NOTCH2NLC: variants seen among roughly 807,000 people sequenced by gnomAD.
NOTCH2NLC encodes the protein notch 2 N-terminal like C.
A neutral mutation model predicts 17.7 loss-of-function variants in NOTCH2NLC; 4 were observed. That is an observed-to-expected ratio of 0.23 (90% CI 0.11 to 0.52). The LOEUF (loss-of-function observed/expected upper bound fraction) is 0.52, where lower values mean the gene tolerates loss of function less well. NOTCH2NLC is among the 20% of genes least tolerant of loss of function. The pLI, the probability that NOTCH2NLC is intolerant of heterozygous loss-of-function variation, is 0.96. For missense variants in NOTCH2NLC, 57 were observed against 207.2 expected, an observed-to-expected ratio of 0.28 and a Z score of 4.45; for synonymous variants, 18 against 86.0, an observed-to-expected ratio of 0.21 and a Z score of 4.38.
chr1:149,454,497 G>A (rs1395440840), intron 2 of NOTCH2NLC, among the ~76,000 whole-genome samples: 3 of 143,128 alleles, frequency 2.1e-5, no homozygotes, highest in Admixed American at 7.0e-5. Flanking sequence ...ATGTAAAAAG[G>A]TTCCTCAGTG....
Position 149,390,819 on chromosome 1 carries a change from G to GCGGCGGCGGCGGCGGCGGCGA in NOTCH2NLC, c.44_45insCGGCGGCGACGGCGGCGGCGG (p.Gly17_Gly18insAspGlyGlyGlyGlyGlyGly). On this transcript the variant is annotated inframe_insertion, in exon 1 of 5. Transcript: ENST00000650865. ...ATCTGCCCAGGCGGCGGCGGCGGCG[G>GCGGCGGCGGCGGCGGCGGCGA]CGGCGGCGGCGGAGGAGGCGGCGAC... 1 of 1,319,754 alleles carries GCGGCGGCGGCGGCGGCGGCGA rather than the reference G, an allele frequency of 7.6e-7. No individual in the cohort carries two copies. 81.8% of individuals were successfully genotyped at this position (1,319,754 alleles called of 1,614,324 possible). A position where few individuals can be genotyped will look rare whatever the true frequency, so the allele number is the denominator to read the frequency against.
intron 1 of NOTCH2NLC, among the ~76,000 whole-genome samples, chr1:149,424,834 A>T (rs2084403885): frequency 6.6e-6 from 1 of 151,094 alleles, no homozygotes; most frequent in South Asian, 2.1e-4. Flanking sequence ...TAACATGGCA[A>T]GAGAGGAGGG....
intron 2 of NOTCH2NLC, among the ~76,000 whole-genome samples, chr1:149,432,728 G>T (rs1204124002): frequency 6.7e-6 from 1 of 149,298 alleles, no homozygotes; most frequent in Non-Finnish European, 1.5e-5. Context: ...TTAATGCCTA[G>T]TACAGTGCCT....
intron 1 of NOTCH2NLC, among the ~76,000 whole-genome samples, chr1:149,391,132 C>T (rs1316124716): frequency 4.9e-5 from 3 of 61,606 alleles, no homozygotes; most frequent in Non-Finnish European, 9.9e-5. Flanking sequence ...CGCCAACCGC[C>T]GGGGTTCCCC....
chr1:149,451,729 C>CA (rs2084591940), intron 2 of NOTCH2NLC, among the ~76,000 whole-genome samples: 1 of 92,448 alleles, frequency 1.1e-5, no homozygotes, highest in Non-Finnish European at 2.2e-5. Context: ...CATCTATTTT[C>CA]TGCTGCTCCA....
At chr1:149,450,125 T>G (rs2084583328) in intron 2 of NOTCH2NLC, among the ~76,000 whole-genome samples, 1 of 145,496 alleles carries the variant, frequency 6.9e-6, no homozygotes, top group South Asian at 2.2e-4. Context: ...TTCAGTTATC[T>G]CGGGTATATA....
intron 1 of NOTCH2NLC, among the ~76,000 whole-genome samples, chr1:149,413,741 C>G (rs1224773876): frequency 6.6e-6 from 1 of 151,094 alleles, no homozygotes; most frequent in African/African-American, 2.4e-5. Context: ...TTTGCTAGAT[C>G]ATATATCTTC....
intron 1 of NOTCH2NLC, among the ~76,000 whole-genome samples, chr1:149,426,576 C>CTTT (rs1224339764): frequency 2.9e-4 from 30 of 104,398 alleles, no homozygotes; most frequent in Admixed American, 6.6e-4. Flanking sequence ...TTCTTTTTGC[C>CTTT]TTTTTTTTTT....
intron 1 of NOTCH2NLC, among the ~76,000 whole-genome samples, chr1:149,429,009 C>G (rs2084428492): frequency 7.0e-6 from 1 of 143,478 alleles, no homozygotes; most frequent in Non-Finnish European, 1.5e-5. Context: ...AGGAAATAAC[C>G]TGACATTAAC....
At chr1:149,410,420 C>G (rs1453304623) in intron 1 of NOTCH2NLC, among the ~76,000 whole-genome samples, 1 of 146,472 alleles carries the variant, frequency 6.8e-6, no homozygotes, top group Non-Finnish European at 1.5e-5. Context: ...GATTAAGGTA[C>G]CTTTTGGGAA....
intron 1 of NOTCH2NLC, among the ~76,000 whole-genome samples, chr1:149,417,354 T>C (rs1172807625): frequency 2.1e-4 from 32 of 150,934 alleles, no homozygotes; most frequent in Admixed American, 3.3e-4. Context: ...GTGATCCGCC[T>C]GCCTCGGCCT....
chr1:149,471,584 T>G lies in NOTCH2NLC; in HGVS notation c.*7431T>G, dbSNP rs1371377030. Among the ~76,000 whole-genome samples, 3 of 149,968 alleles carry G rather than the reference T, an allele frequency of 2.0e-5. No homozygotes were observed. Among genetic ancestry groups the G allele is most frequent in the African/African-American group, 7.3e-5 (3 of 40,900 alleles). ...TGCCCAGAACAAGTACATCTATATA[T>G]AGAGAAAGTAGATTAGTGGTTGTCA... On this transcript the variant is annotated 3_prime_UTR_variant, in exon 5 of 5. Coordinates refer to ENST00000650865, the MANE Select transcript of NOTCH2NLC (RefSeq NM_001364013.2).
At chr1:149,394,678 C>T (rs1156877029) in intron 1 of NOTCH2NLC, among the ~76,000 whole-genome samples, 2 of 149,482 alleles carry the variant, frequency 1.3e-5, no homozygotes, top group Non-Finnish European at 3.0e-5. Flanking sequence ...AGAAATTTTA[C>T]ATCATTTTCT....
chr1:149,460,181 G>A (rs1372985365), intron 3 of NOTCH2NLC, among the ~76,000 whole-genome samples: 22 of 140,830 alleles, frequency 1.6e-4, no homozygotes, highest in East Asian at 8.9e-4. Context: ...CTATTAGGAG[G>A]CAAAGTAGGG....
chr1:149,454,799 C>G (rs2084607718), intron 2 of NOTCH2NLC, among the ~76,000 whole-genome samples: 1 of 149,806 alleles, frequency 6.7e-6, no homozygotes, highest in Non-Finnish European at 1.5e-5. Flanking sequence ...GAAAGAAGCA[C>G]TTACTATTTC....
In NOTCH2NLC at chr1:149,465,950, T is replaced by C. The variant is rs1286991513; in HGVS notation, c.*1797T>C. ...TTGGGACCAGGTATTATTTTTCAAGTCTTCCCACATGAAGTAACTGAAGTT... is the reference window on the plus strand; with the variant it reads ...TTGGGACCAGGTATTATTTTTCAAGCCTTCCCACATGAAGTAACTGAAGTT... On this transcript the variant is annotated 3_prime_UTR_variant, in exon 5 of 5. Transcript: ENST00000650865. The C allele has an allele frequency of 6.5e-5, 1 of 15,490 alleles. No homozygotes were observed. The highest frequency in any genetic ancestry group is 2.8e-4 in the African/African-American group (1 of 3,630). The allele number at this position is 15,490 out of a possible 1,614,324, so 1.0% of individuals were successfully genotyped here. A position where few individuals can be genotyped will look rare whatever the true frequency, so the allele number is the denominator to read the frequency against.
chr1:149,438,643 T>A (rs1284403133), intron 2 of NOTCH2NLC, among the ~76,000 whole-genome samples: 1 of 44,990 alleles, frequency 2.2e-5, no homozygotes, highest in Non-Finnish European at 4.2e-5. Flanking sequence ...TTCCTTGTAT[T>A]AGGACTTGAG....
chr1:149,412,898 C>CT (rs1228082474), intron 1 of NOTCH2NLC, among the ~76,000 whole-genome samples: 2,277 of 95,554 alleles, frequency 0.024, 58 homozygotes, highest in East Asian at 0.046. Context: ...AGATGACTGA[C>CT]TTTTTTTTTT....
chr1:149,433,798 A>ATTT (rs1455441368), intron 2 of NOTCH2NLC, among the ~76,000 whole-genome samples: 1 of 150,550 alleles, frequency 6.6e-6, no homozygotes, highest in Non-Finnish European at 1.5e-5. Flanking sequence ...AATGCAAAAG[A>ATTT]TTAGCTGGGC....
Sources: allele counts gnomAD v4.1 joint callset (sites outside exome capture counted in the v4.1 genomes callset), GRCh38; gene constraint gnomAD v4.1.1; transcripts MANE v1.5; gene names NCBI Gene and HGNC (gene_info 2026-07-23, HGNC 2026-07-21).